The following LMAN2 variants were observed in gnomAD, a reference collection of about 807,000 sequenced individuals.
The protein encoded by LMAN2 is vesicular integral-membrane protein VIP36.
Under a neutral mutation model 39.3 loss-of-function variants are expected in LMAN2, and 22 were observed. That is an observed-to-expected ratio of 0.56 (90% CI 0.40 to 0.80). The LOEUF (loss-of-function observed/expected upper bound fraction) is 0.80. Ranked by LOEUF, LMAN2 falls within the 30% of genes least tolerant of loss-of-function variation. The probability of loss-of-function intolerance (pLI) is 0.00; values close to 1 mark genes in which losing one functional copy is unlikely to be tolerated. For synonymous variants in LMAN2, 207 were observed against 207.8 expected, an observed-to-expected ratio of 1.00 and a Z score of 0.03; for missense variants, 494 against 505.4, an observed-to-expected ratio of 0.98 and a Z score of 0.22.
chr5:177,338,651 C>T (rs771553139), intron 2 of LMAN2, 46 bp from the exon 3 acceptor site: 2 of 1,558,466 alleles, frequency 1.3e-6, no homozygotes, highest in South Asian at 1.1e-5. Flanking sequence ...CCAGGGCCTT[C>T]CAGCAAGCTG....
intron 2 of LMAN2, among the ~76,000 whole-genome samples, chr5:177,343,328 A>G (rs890931304): frequency 6.6e-6 from 1 of 152,202 alleles, no homozygotes; most frequent in Non-Finnish European, 1.5e-5. Flanking sequence ...GCTGGTGGGA[A>G]TATAAAATGG....
At chr5:177,341,935 A>C (rs1245859331) in intron 2 of LMAN2, among the ~76,000 whole-genome samples, 3 of 152,214 alleles carry the variant, frequency 2.0e-5, no homozygotes. Context: ...CTTAAAACTG[A>C]GAAAAGAGCA....
chr5:177,350,586 A>G (rs1761707194), intron 2 of LMAN2, among the ~76,000 whole-genome samples: 1 of 152,248 alleles, frequency 6.6e-6, no homozygotes, highest in Non-Finnish European at 1.5e-5. Flanking sequence ...TCCACTGTCC[A>G]GGTGAAAAGA....
Position 177,337,335 on chromosome 5 carries a change from T to TAG in LMAN2, c.675+27_675+28insCT. ...GTGGGACCAGCACAGGGCCACCAGC[T>TAG]GCCACCCCCACCGCCTAGCCTGCTC... On this transcript the variant is annotated intron_variant, in intron 5 of 7. Transcript: ENST00000303127. The surrounding 1 kb of genome is among the most constrained non-coding windows in gnomAD (Gnocchi z 8.2). 6.2e-7 allele frequency: 1 copy of TAG among 1,610,310 alleles called. No individual in the cohort carries two copies. The highest frequency in any genetic ancestry group is 1.3e-5 in the African/African-American group (1 of 75,002).
intron 3 of LMAN2, among the ~76,000 whole-genome samples, chr5:177,338,255 G>A (rs1260934959): frequency 6.6e-6 from 1 of 152,208 alleles, no homozygotes; most frequent in East Asian, 1.9e-4. Context: ...CAATGAGGGT[G>A]TAGGGTTGAG....
intron 2 of LMAN2, among the ~76,000 whole-genome samples, chr5:177,343,682 CAA>C (rs1761592677): frequency 6.9e-6 from 1 of 145,710 alleles, no homozygotes. Context: ...TAAAATAAGT[CAA>C]AGAAGACAAA....
intron 2 of LMAN2, chr5:177,346,172 AG>A: frequency 6.1e-6 from 1 of 163,774 alleles, no homozygotes; most frequent in Non-Finnish European, 1.3e-5. Flanking sequence ...TCCCCAGAAA[AG>A]GTGTGTGCTG....
chr5:177,335,647 G>T (rs1345078942), intron 6 of LMAN2, among the ~76,000 whole-genome samples: 2 of 152,158 alleles, frequency 1.3e-5, no homozygotes, highest in African/African-American at 4.8e-5. Flanking sequence ...AATGATGAAA[G>T]CTGGTTGGCA....
Position 177,332,429 on chromosome 5 carries a change from C to CA in LMAN2, c.911-184dup, listed in dbSNP as rs1443944830. 3.9e-5 allele frequency among the ~76,000 whole-genome samples: 6 copies of CA among 152,154 alleles called. No homozygotes were observed. The highest frequency in any genetic ancestry group is 3.3e-4 in the Admixed American group (5 of 15,284). ...CCATCCCAGCCAGCTCTGCAGTCCC[C>CA]AGGGCAGGGTGGGGCAGAGAGAGGA... is the stretch of plus-strand genomic sequence containing the variant. On this transcript the variant is annotated intron_variant, in intron 7 of 7. Transcript: ENST00000303127. The surrounding 1 kb of genome is among the most constrained non-coding windows in gnomAD (Gnocchi z 6.3).
chr5:177,334,840 G>A (rs889130287), intron 6 of LMAN2, among the ~76,000 whole-genome samples: 2 of 152,236 alleles, frequency 1.3e-5, no homozygotes, highest in African/African-American at 4.8e-5. Flanking sequence ...GACTGGCTGA[G>A]AAGGCTGAGG....
At chr5:177,340,778 T>C (rs1011505465) in intron 2 of LMAN2, among the ~76,000 whole-genome samples, 1 of 149,348 alleles carries the variant, frequency 6.7e-6, no homozygotes, top group Non-Finnish European at 1.5e-5. Context: ...TCAAAAAAAA[T>C]CAGACTCACT....
chr5:177,334,251 A>G, intron 7 of LMAN2, 33 bp downstream of exon 7: 1 of 1,593,062 alleles, frequency 6.3e-7, no homozygotes, highest in Non-Finnish European at 8.6e-7. Context: ...CAGGCCGCCC[A>G]GGCCCAGGCA....
At chr5:177,334,564 C>T (rs528619624) in intron 6 of LMAN2, 161 bp from the exon 7 acceptor site, 2 of 848,212 alleles carry the variant, frequency 2.4e-6, no homozygotes, top group South Asian at 1.9e-5. Context: ...CTTCCCAGCT[C>T]CCTCCAGTCA....
chr5:177,337,943 T>A lies in LMAN2; in HGVS notation c.434-158A>T, dbSNP rs1299874833. Among the ~76,000 whole-genome samples, 1 of 150,824 alleles carries A rather than the reference T, an allele frequency of 6.6e-6. No homozygotes were observed. The highest frequency in any genetic ancestry group is 1.5e-5 in the Non-Finnish European group (1 of 67,818). ...GATCGTGAAAGGAGAAAGCTGAGGCTTTCTCCTCAGAAGTGGGGGGTCTAG... is the reference window on the plus strand; with the variant it reads ...GATCGTGAAAGGAGAAAGCTGAGGCATTCTCCTCAGAAGTGGGGGGTCTAG... On this transcript the variant is annotated intron_variant, in intron 3 of 7. Coordinates refer to ENST00000303127, the MANE Select transcript of LMAN2 (RefSeq NM_006816.3). This position sits in a 1 kb window ranked among gnomAD's most constrained non-coding sequence, Gnocchi z 8.2.
intron 2 of LMAN2, among the ~76,000 whole-genome samples, chr5:177,339,636 G>A (rs1761523810): frequency 6.6e-6 from 1 of 152,194 alleles, no homozygotes; most frequent in Non-Finnish European, 1.5e-5. Context: ...ACCCAAACAG[G>A]ATGTTGACCT....
At chr5:177,348,364 T>C (rs1469574883) in intron 2 of LMAN2, among the ~76,000 whole-genome samples, 1 of 152,080 alleles carries the variant, frequency 6.6e-6, no homozygotes, top group Non-Finnish European at 1.5e-5. Flanking sequence ...ATATTCTGTG[T>C]GGAAATGAAA....
intron 2 of LMAN2, among the ~76,000 whole-genome samples, chr5:177,345,279 T>C (rs1761616388): frequency 7.2e-6 from 1 of 139,256 alleles, no homozygotes; most frequent in Non-Finnish European, 1.5e-5. Flanking sequence ...AGACCGAGGC[T>C]GCAGTGAGCC....
chr5:177,336,458 G>A (rs1344266902), intron 6 of LMAN2, among the ~76,000 whole-genome samples: 1 of 152,210 alleles, frequency 6.6e-6, no homozygotes, highest in Non-Finnish European at 1.5e-5. Context: ...GACTGTTGGG[G>A]GCTGGTGAAG....
chr5:177,338,468 C>A lies in LMAN2; in HGVS notation c.433+20G>T. ...CCGTGCCCACCCCCACAGGGCCCAGCTGAGCGAACACCAGCCCACCTGGCA... is the reference window on the plus strand; with the variant it reads ...CCGTGCCCACCCCCACAGGGCCCAGATGAGCGAACACCAGCCCACCTGGCA... On this transcript the variant is annotated intron_variant, in intron 3 of 7. Transcript: ENST00000303127. The A allele has an allele frequency of 1.2e-6, 2 of 1,603,366 alleles. No homozygotes were observed. Among genetic ancestry groups the A allele is most frequent in the Non-Finnish European group, 1.7e-6 (2 of 1,170,762 alleles).
Sources: allele counts gnomAD v4.1 joint callset (sites outside exome capture counted in the v4.1 genomes callset), GRCh38; gene constraint gnomAD v4.1.1; non-coding constraint Gnocchi (gnomAD v3.1); transcripts MANE v1.5; gene names NCBI Gene and HGNC (gene_info 2026-07-23, HGNC 2026-07-21).